CYB5R4: variants seen among roughly 807,000 people sequenced by gnomAD.
The protein encoded by CYB5R4 is N-terminal cytochrome b5 and cytochrome b5 oxidoreductase domain-containing protein.
CYB5R4 carries 55 observed loss-of-function variants against 70.2 expected under a neutral mutation model. The observed-to-expected ratio is 0.78, with a 90% CI of 0.63 to 0.98. CYB5R4 has a LOEUF of 0.98. Ranked by LOEUF, CYB5R4 falls within the 50% of genes least tolerant of loss-of-function variation. The pLI, the probability that CYB5R4 is intolerant of heterozygous loss-of-function variation, is 0.00. For synonymous variants in CYB5R4, 197 were observed against 199.5 expected, an observed-to-expected ratio of 0.99 and a Z score of 0.11; for missense variants, 562 against 612.6, an observed-to-expected ratio of 0.92 and a Z score of 0.87.
chr6:83,938,856 A>G (rs1400163401), intron 12 of CYB5R4, among the ~76,000 whole-genome samples: 2 of 145,130 alleles, frequency 1.4e-5, no homozygotes, highest in African/African-American at 5.3e-5. Flanking sequence ...TTTGAGATGG[A>G]GTTTTGCTCT....
intron 3 of CYB5R4, among the ~76,000 whole-genome samples, chr6:83,898,796 A>AT (rs1292871655): frequency 1.3e-5 from 2 of 151,908 alleles, no homozygotes; most frequent in African/African-American, 4.8e-5. Flanking sequence ...AATGCTTGTG[A>AT]TTTTTGCACA....
chr6:83,940,142 G>T lies in CYB5R4; in HGVS notation c.1195G>T (p.Gly399Ter). The change falls in exon 13 of 16, where the codon GGA becomes TGA. Residue 399 changes from glycine (G) to a stop codon, truncating the protein, a stop_gained. Coordinates refer to ENST00000369681, the MANE Select transcript of CYB5R4 (RefSeq NM_016230.4). LOFTEE classifies it high-confidence loss of function. ...AGAAGATCTCTTTTTGTTGGCAGCT[G>T]GAACAGGCTTCACACCAATGGTTAA... ...ELEDLFLLAA[G>*]TGFTPMVKIL... 6.2e-7 allele frequency: 1 copy of T among 1,611,830 alleles called. No individual in the cohort carries two copies. Among genetic ancestry groups the T allele is most frequent in the Non-Finnish European group, 8.5e-7 (1 of 1,178,484 alleles).
At position 83,859,803 on chromosome 6, in the gene CYB5R4, G is replaced by C; in HGVS notation, c.21G>C (p.Gln7His). 1.2e-6 allele frequency: 2 copies of C among 1,613,560 alleles called. No homozygotes were observed. Among genetic ancestry groups the C allele is most frequent in the Non-Finnish European group, 1.7e-6 (2 of 1,179,868 alleles). Residue 7 changes from glutamine (Q) to histidine (H), a missense_variant, in exon 1 of 16, where the codon CAG (glutamine) becomes CAC (histidine). Gln to His is a conservative substitution (Grantham distance 24). Transcript: ENST00000369681. ...TGAAGATGCTGAACGTCCCTTCCCA[G>C]TCTTTCCCGGCCCCCAGGTCGCAGC... MLNVPSQSFPAPRSQQR... is the reference protein window; with the variant it reads MLNVPSHSFPAPRSQQR...
At position 83,940,220 on chromosome 6, in the gene CYB5R4, T is replaced by C; in HGVS notation, c.1259+14T>C. On this transcript the variant is annotated intron_variant, in intron 13 of 15. Transcript: ENST00000369681. ...ACCCAGTCTCAGGTATGTAATTTTG[T>C]CTCTAATTACGATCCTTTTTGAGGC... 6.3e-7 allele frequency: 1 copy of C among 1,590,308 alleles called. No individual in the cohort carries two copies.
chr6:83,934,802 C>T, intron 11 of CYB5R4, 67 bp downstream of exon 11: 4 of 1,378,312 alleles, frequency 2.9e-6, no homozygotes, highest in Non-Finnish European at 4.0e-6. Context: ...CAGTACTATT[C>T]TCTCTAGAAA....
chr6:83,899,258 G>T (rs1479812268), intron 3 of CYB5R4, among the ~76,000 whole-genome samples: 2 of 152,228 alleles, frequency 1.3e-5, no homozygotes, highest in Non-Finnish European at 2.9e-5. Context: ...TTTATATGCT[G>T]GATTACGTTT....
chr6:83,954,298 CA>C (rs746415481), intron 14 of CYB5R4, among the ~76,000 whole-genome samples: 2 of 152,172 alleles, frequency 1.3e-5, no homozygotes, highest in Non-Finnish European at 2.9e-5. Flanking sequence ...AGCAGGATAA[CA>C]GCCTCTTTAG....
intron 7 of CYB5R4, among the ~76,000 whole-genome samples, 187 bp downstream of exon 7, chr6:83,919,641 A>T (rs2099466044): frequency 6.6e-6 from 1 of 152,182 alleles, no homozygotes; most frequent in South Asian, 2.1e-4. Context: ...CCAAAGTTAC[A>T]CACTGAGTGG....
chr6:83,912,315 C>T (rs1172760562), intron 4 of CYB5R4, among the ~76,000 whole-genome samples: 3 of 152,042 alleles, frequency 2.0e-5, no homozygotes, highest in African/African-American at 7.2e-5. Flanking sequence ...AACTTTTTAT[C>T]CAAATGGTAT....
intron 2 of CYB5R4, 114 bp from the exon 3 acceptor site, chr6:83,893,408 C>A: frequency 1.6e-6 from 1 of 625,604 alleles, no homozygotes; most frequent in Non-Finnish European, 2.8e-6. Context: ...TTTGAAATAA[C>A]AGTGATTAAT....
intron 10 of CYB5R4, among the ~76,000 whole-genome samples, chr6:83,932,214 G>A (rs575748306): frequency 2.8e-4 from 43 of 152,176 alleles, no homozygotes; most frequent in African/African-American, 9.6e-4. Flanking sequence ...CTATAGTTAG[G>A]CTGTTCTTTT....
chr6:83,873,947 G>A (rs866258915), intron 2 of CYB5R4, among the ~76,000 whole-genome samples: 13 of 152,240 alleles, frequency 8.5e-5, no homozygotes, highest in Middle Eastern at 3.4e-3. Flanking sequence ...GCAAAGGATG[G>A]GTGGTGTGTT....
intron 12 of CYB5R4, among the ~76,000 whole-genome samples, chr6:83,938,877 G>A (rs1015802267): frequency 6.6e-6 from 1 of 151,528 alleles, no homozygotes; most frequent in Non-Finnish European, 1.5e-5. Context: ...TGTTGCCCAG[G>A]CTGGAGTGCA....
In CYB5R4 at chr6:83,864,294, C is replaced by T. The variant is rs764385649; in HGVS notation, c.195C>T (p.His65=). 3 of 1,611,758 alleles carry T rather than the reference C, an allele frequency of 1.9e-6. No individual in the cohort carries two copies. The highest frequency in any genetic ancestry group is 2.5e-6 in the Non-Finnish European group (3 of 1,179,050). The change falls in exon 2 of 16, where the codon CAC becomes CAT. Residue 65 remains histidine (H), a synonymous_variant. Coordinates refer to ENST00000369681, the MANE Select transcript of CYB5R4 (RefSeq NM_016230.4). ...IEVTEEELKK[H]NKKDDCWICI... is the part of the protein sequence containing the mutation. ...TAACTGAAGAAGAACTTAAGAAACA[C>T]AACAAAAAAGATGATTGTTGGATAT...
chr6:83,871,707 G>A (rs548159899), intron 2 of CYB5R4, among the ~76,000 whole-genome samples: 56 of 151,976 alleles, frequency 3.7e-4, no homozygotes, highest in Non-Finnish European at 6.8e-4. Context: ...TTACTTTTGT[G>A]TCAGTTTTAG....
rs118044623 is a variant in CYB5R4 at position 83,930,098 on chromosome 6, G to A, written c.815-4497G>A. 4.5e-3 allele frequency among the ~76,000 whole-genome samples: 686 copies of A among 152,246 alleles called. 1 individual carries two copies. Among genetic ancestry groups the A allele is most frequent in the Non-Finnish European group, 6.7e-3 (456 of 67,996 alleles). On this transcript the variant is annotated intron_variant, in intron 10 of 15. Coordinates refer to ENST00000369681, the MANE Select transcript of CYB5R4 (RefSeq NM_016230.4). ...CTTATACATTTTAATTTAAAAAACA[G>A]TATATTACTAAAAAATGCTAACAAT... is the stretch of plus-strand genomic sequence containing the variant.
chr6:83,921,883 A>G (rs2099466438), intron 8 of CYB5R4, among the ~76,000 whole-genome samples: 1 of 152,258 alleles, frequency 6.6e-6, no homozygotes, highest in African/African-American at 2.4e-5. Flanking sequence ...CACTTCTGGA[A>G]TATAAGTTCC....
chr6:83,951,571 G>C (rs2099471529), intron 14 of CYB5R4, among the ~76,000 whole-genome samples: 1 of 152,154 alleles, frequency 6.6e-6, no homozygotes, highest in Non-Finnish European at 1.5e-5. Context: ...TGCTGAGAAT[G>C]ATGGTTTCCA....
At chr6:83,950,900 T>C (rs1315067644) in intron 14 of CYB5R4, among the ~76,000 whole-genome samples, 1 of 152,150 alleles carries the variant, frequency 6.6e-6, no homozygotes, top group Non-Finnish European at 1.5e-5. Context: ...TTCTACTCAT[T>C]GTATTGTGTG....
Sources: gnomAD v4.1 joint callset for allele counts (sites outside exome capture counted in the v4.1 genomes callset) on GRCh38, gnomAD v4.1.1 for gene constraint, MANE v1.5 for transcripts, NCBI Gene and HGNC (gene_info 2026-07-23, HGNC 2026-07-21) for gene names.